Variants in TTLL11 observed in about 807,000 individuals in gnomAD.
The protein encoded by TTLL11 is tubulin tyrosine ligase like 11.
TTLL11 carries 42 observed loss-of-function variants against 51.7 expected under a neutral mutation model. That is an observed-to-expected ratio of 0.81 (90% confidence interval 0.64 to 1.05). TTLL11 has a LOEUF of 1.05. Ranked by LOEUF, TTLL11 falls within the 50% of genes least tolerant of loss-of-function variation. The probability of loss-of-function intolerance (pLI) is 0.00; values close to 1 mark genes in which losing one functional copy is unlikely to be tolerated. For missense variants in TTLL11, 799 were observed against 940.4 expected, an observed-to-expected ratio of 0.85 and a Z score of 1.97; for synonymous variants, 381 against 383.5, an observed-to-expected ratio of 0.99 and a Z score of 0.08.
At chr9:121,919,593 G>A (rs533070876) in intron 6 of TTLL11, among the ~76,000 whole-genome samples, 9 of 152,286 alleles carry the variant, frequency 5.9e-5, no homozygotes, top group Non-Finnish European at 5.9e-5. Context: ...TCAAAGATTC[G>A]CTTTGTCCAC....
At chr9:121,881,506 T>C (rs1838790940) in intron 6 of TTLL11, among the ~76,000 whole-genome samples, 1 of 152,224 alleles carries the variant, frequency 6.6e-6, no homozygotes, top group Non-Finnish European at 1.5e-5. Context: ...ACTTTGTTAA[T>C]TTCACTCATC....
In TTLL11 at chr9:121,997,362, C is replaced by T. The variant is rs557496618; in HGVS notation, c.694-7592G>A. ...GCGAGTCAGCCCTGCCTGGCCTCCC[C>T]ACTCCTTCCCCACAGTGCAGTCCCA... On this transcript the variant is annotated intron_variant, in intron 3 of 8. Coordinates refer to ENST00000321582, the MANE Select transcript of TTLL11 (RefSeq NM_001139442.2). Among the ~76,000 whole-genome samples, 12 of 152,228 alleles carry T rather than the reference C, an allele frequency of 7.9e-5. No homozygotes were observed. The South Asian group carries it at 2.5e-3, about 32-fold the overall frequency.
At chr9:121,842,673 C>T (rs999771068) in intron 8 of TTLL11, among the ~76,000 whole-genome samples, 1 of 152,210 alleles carries the variant, frequency 6.6e-6, no homozygotes, top group Non-Finnish European at 1.5e-5. Flanking sequence ...CCAGATGAGT[C>T]TCTGTCTTGG....
chr9:122,076,309 A>T (rs1845857743), intron 1 of TTLL11, among the ~76,000 whole-genome samples: 1 of 152,192 alleles, frequency 6.6e-6, no homozygotes, highest in Non-Finnish European at 1.5e-5. Flanking sequence ...ACATGTTGGC[A>T]GTGGTCTGGC....
intron 6 of TTLL11, among the ~76,000 whole-genome samples, chr9:121,964,909 C>G (rs573580890): frequency 6.6e-6 from 1 of 152,280 alleles, no homozygotes; most frequent in East Asian, 1.9e-4. Context: ...TGTCTTTATG[C>G]TTGCAGTACT....
intron 8 of TTLL11, among the ~76,000 whole-genome samples, chr9:121,831,482 T>C (rs757873232): frequency 4.6e-5 from 7 of 152,032 alleles, no homozygotes; most frequent in Admixed American, 3.9e-4. Flanking sequence ...GGGTGGATCA[T>C]GAGGTCAGGC....
At chr9:121,874,826 G>T (rs144662206) in intron 6 of TTLL11, among the ~76,000 whole-genome samples, 1 of 150,244 alleles carries the variant, frequency 6.7e-6, no homozygotes, top group Non-Finnish European at 1.5e-5. Context: ...GCGTGATCTC[G>T]GCTCACTGCA....
At chr9:121,926,947 C>A (rs969677431) in intron 6 of TTLL11, among the ~76,000 whole-genome samples, 2 of 152,192 alleles carry the variant, frequency 1.3e-5, no homozygotes, top group African/African-American at 4.8e-5. Flanking sequence ...CAGCCGACTT[C>A]TCATGAGAGC....
intron 7 of TTLL11, among the ~76,000 whole-genome samples, chr9:121,862,080 G>A (rs1413030146): frequency 6.6e-6 from 1 of 152,118 alleles, no homozygotes; most frequent in Non-Finnish European, 1.5e-5. Flanking sequence ...GGTGCAGGGA[G>A]GCCACAGTAA....
chr9:121,934,474 C>A (rs1014368476), intron 6 of TTLL11, among the ~76,000 whole-genome samples: 1 of 152,134 alleles, frequency 6.6e-6, no homozygotes, highest in Admixed American at 6.5e-5. Flanking sequence ...AAGCTCATGG[C>A]GGCAGATAGG....
At chr9:122,081,754 G>T (rs1846009058) in intron 1 of TTLL11, among the ~76,000 whole-genome samples, 1 of 152,260 alleles carries the variant, frequency 6.6e-6, no homozygotes, top group African/African-American at 2.4e-5. Flanking sequence ...TTGTAATGTG[G>T]ATCATGCAAG....
intron 1 of TTLL11, among the ~76,000 whole-genome samples, chr9:122,090,382 T>C (rs1265186492): frequency 6.6e-6 from 1 of 152,134 alleles, no homozygotes. Context: ...TCCCTGCTCA[T>C]TTCTGAAGCC....
At chr9:121,923,374 G>A (rs937592643) in intron 6 of TTLL11, among the ~76,000 whole-genome samples, 3 of 151,956 alleles carry the variant, frequency 2.0e-5, no homozygotes, top group African/African-American at 7.3e-5. Context: ...ATCTGCAGGT[G>A]GACAGGGTCT....
chr9:121,946,899 A>G (rs1226677482), intron 6 of TTLL11, among the ~76,000 whole-genome samples: 1 of 151,882 alleles, frequency 6.6e-6, no homozygotes, highest in Non-Finnish European at 1.5e-5. Context: ...CACTCAGCCT[A>G]CCCCCATTCA....
At chr9:121,940,526 C>T (rs1199447808) in intron 6 of TTLL11, among the ~76,000 whole-genome samples, 1 of 152,022 alleles carries the variant, frequency 6.6e-6, no homozygotes, top group African/African-American at 2.4e-5. Flanking sequence ...TTAGTGGAGA[C>T]GGGGTTTCAC....
intron 3 of TTLL11, among the ~76,000 whole-genome samples, chr9:122,008,806 G>C (rs1468246334): frequency 2.0e-5 from 3 of 152,202 alleles, no homozygotes; most frequent in Admixed American, 6.5e-5. Flanking sequence ...TGTCCGTCGC[G>C]GGTGAATGAA....
intron 6 of TTLL11, among the ~76,000 whole-genome samples, chr9:121,881,518 C>T (rs1331798809): frequency 6.6e-6 from 1 of 152,212 alleles, no homozygotes; most frequent in Non-Finnish European, 1.5e-5. Flanking sequence ...TCACTCATCA[C>T]TGACTGATTT....
intron 2 of TTLL11, among the ~76,000 whole-genome samples, chr9:122,032,899 AT>A (rs1465222197): frequency 6.7e-6 from 1 of 149,500 alleles, no homozygotes; most frequent in East Asian, 2.0e-4. Context: ...GGCTCAAGGG[AT>A]CCTCCCACCT....
chr9:121,974,856 T>C (rs1842660535), intron 5 of TTLL11, 28 bp downstream of exon 5: 3 of 1,488,374 alleles, frequency 2.0e-6, no homozygotes, highest in African/African-American at 2.8e-5. Context: ...TATGGCAACA[T>C]AGTCAATGAG....
Sources: allele counts gnomAD v4.1 joint callset (sites outside exome capture counted in the v4.1 genomes callset), GRCh38; gene constraint gnomAD v4.1.1; transcripts MANE v1.5; gene names NCBI Gene and HGNC (gene_info 2026-07-23, HGNC 2026-07-21).